The following NSG1 variants were observed in gnomAD, a reference collection of about 807,000 sequenced individuals.
The protein encoded by NSG1 is neuronal vesicle trafficking-associated protein 1.
A neutral mutation model predicts 19.3 loss-of-function variants in NSG1; 9 were observed. That is an observed-to-expected ratio of 0.47 (90% confidence interval 0.28 to 0.81). NSG1 has a LOEUF of 0.81. NSG1 is among the 40% of genes least tolerant of loss of function. The pLI is 0.11. For synonymous variants in NSG1, 104 were observed against 107.0 expected (o/e 0.97, Z 0.17); for missense variants, 236 against 242.4 (o/e 0.97, Z 0.18).
At chr4:4,387,561 C>CGGGGGGGGGTGGGGGGG in intron 1 of NSG1, 43 bp from the exon 2 acceptor site, 2 of 1,141,990 alleles carry the variant, frequency 1.8e-6, no homozygotes, top group Non-Finnish European at 2.5e-6. Context: ...CGCCCCGCCC[C>CGGGGGGGGGTGGGGGGG]GGGTCTTGCT....
At chr4:4,403,334 G>T (rs914187524) in intron 3 of NSG1, among the ~76,000 whole-genome samples, 1 of 152,208 alleles carries the variant, frequency 6.6e-6, no homozygotes, top group Non-Finnish European at 1.5e-5. Flanking sequence ...GGTGTGCCGG[G>T]CCCTGCTCTG....
intron 3 of NSG1, among the ~76,000 whole-genome samples, chr4:4,398,610 T>G (rs1723394033): frequency 6.6e-6 from 1 of 152,264 alleles, no homozygotes; most frequent in African/African-American, 2.4e-5. Context: ...GTTGTAGCAC[T>G]TACAACTGCT....
intron 3 of NSG1, 46 bp from the exon 4 acceptor site, chr4:4,409,527 C>A: frequency 7.1e-7 from 1 of 1,418,226 alleles, no homozygotes; most frequent in Non-Finnish European, 1.0e-6. Context: ...GTGTGTCTGT[C>A]CTGCTGCCTT....
rs979112169 is a variant in NSG1, at chr4:4,391,515, A to G, written c.170A>G (p.Lys57Arg). Residue 57 changes from lysine to arginine, a missense_variant, in exon 3 of 5, where the codon AAG becomes AGG. Transcript: ENST00000621129. ...AAGACCGAGTATGAACCTGACCGCA[A>G]GAAAGGGAAAGCACGTCCTCCCCAA... ...KTKTEYEPDR[K>R]KGKARPPQIA... The G allele has an allele frequency of 6.8e-6, 11 of 1,613,424 alleles. No individual in the cohort carries two copies. The highest frequency in any genetic ancestry group is 9.3e-6 in the Non-Finnish European group (11 of 1,179,872).
chr4:4,412,286 T>C (rs7686055), intron 4 of NSG1, among the ~76,000 whole-genome samples: 53,031 of 151,276 alleles, frequency 0.35, 12,958 homozygotes, highest in African/African-American at 0.7. Flanking sequence ...GGGTGGGAGA[T>C]GACCCAGGAG....
At chr4:4,397,039 CTGTGTG>C (rs61613589) in intron 3 of NSG1, among the ~76,000 whole-genome samples, 2 of 150,034 alleles carry the variant, frequency 1.3e-5, no homozygotes, top group African/African-American at 2.4e-5. Context: ...GTTCAGTCAT[CTGTGTG>C]TGTGTGTGTG....
chr4:4,417,330 C>A lies in NSG1; in HGVS notation c.453C>A (p.Asn151Lys). The change falls in exon 5 of 5, where the codon AAC becomes AAA. Residue 151 changes from asparagine (N) to lysine (K), a missense_variant. Coordinates refer to ENST00000621129, the MANE Select transcript of NSG1 (RefSeq NM_014392.5). ...TTTACACAGTCATAAACCACTACAA[C>A]CTGGCCAAGCAGAGCATCACGCGCT... ...EKFYTVINHY[N>K]LAKQSITRSV... 6.2e-7 allele frequency: 1 copy of A among 1,614,176 alleles called. No homozygotes were observed. The highest frequency in any genetic ancestry group is 1.1e-5 in the South Asian group (1 of 91,090).
At chr4:4,406,969 C>T (rs1723893883) in intron 3 of NSG1, among the ~76,000 whole-genome samples, 1 of 152,256 alleles carries the variant, frequency 6.6e-6, no homozygotes, top group South Asian at 2.1e-4. Flanking sequence ...TTCATCACAG[C>T]TCTGCGCTCT....
At chr4:4,413,003 T>C (rs930266242) in intron 4 of NSG1, among the ~76,000 whole-genome samples, 1 of 152,116 alleles carries the variant, frequency 6.6e-6, no homozygotes, top group African/African-American at 2.4e-5. Flanking sequence ...AGTCCCTTTT[T>C]CTCCTTGCAC....
intron 4 of NSG1, chr4:4,415,723 C>CTTGAAACAA: frequency 1.2e-5 from 2 of 162,852 alleles, no homozygotes; most frequent in Non-Finnish European, 2.6e-5. Flanking sequence ...AGCGGGGCCG[C>CTTGAAACAA]CACTCCACAG....
intron 3 of NSG1, among the ~76,000 whole-genome samples, chr4:4,406,887 C>A (rs1723888842): frequency 6.6e-6 from 1 of 152,250 alleles, no homozygotes. Flanking sequence ...CCTGGCTGGG[C>A]TCCTGCCACT....
At chr4:4,389,043 C>T (rs1314933829) in intron 2 of NSG1, among the ~76,000 whole-genome samples, 1 of 152,238 alleles carries the variant, frequency 6.6e-6, no homozygotes, top group Non-Finnish European at 1.5e-5. Flanking sequence ...GGGCCTGGCC[C>T]CGAGGCCCCC....
intron 2 of NSG1, among the ~76,000 whole-genome samples, chr4:4,389,045 G>A (rs908630123): frequency 1.2e-4 from 18 of 152,202 alleles, no homozygotes; most frequent in Non-Finnish European, 2.2e-4. Flanking sequence ...GCCTGGCCCC[G>A]AGGCCCCCAC....
chr4:4,397,220 TAGG>T (rs960377642), intron 3 of NSG1, among the ~76,000 whole-genome samples: 2 of 149,914 alleles, frequency 1.3e-5, no homozygotes, highest in African/African-American at 4.9e-5. Context: ...CGCCTGAGGG[TAGG>T]AGGATGGGGA....
intron 3 of NSG1, among the ~76,000 whole-genome samples, chr4:4,396,197 C>A (rs1330538153): frequency 6.6e-6 from 1 of 152,252 alleles, no homozygotes; most frequent in Non-Finnish European, 1.5e-5. Flanking sequence ...CACTTCCCCA[C>A]TGATGCCTGC....
At chr4:4,405,091 A>G (rs1464937178) in intron 3 of NSG1, among the ~76,000 whole-genome samples, 2 of 152,208 alleles carry the variant, frequency 1.3e-5, no homozygotes, top group Non-Finnish European at 2.9e-5. Flanking sequence ...GGAGGCCAGA[A>G]GTCTGAAATC....
chr4:4,408,515 C>T (rs1015364317), intron 3 of NSG1, among the ~76,000 whole-genome samples: 5 of 152,208 alleles, frequency 3.3e-5, no homozygotes, highest in Admixed American at 2.6e-4. Context: ...GGCTGGAGTT[C>T]AGTGGCACTA....
In NSG1 at chr4:4,391,519, A is replaced by G; in HGVS notation, c.174A>G (p.Lys58=). The G allele has an allele frequency of 6.2e-7, 1 of 1,613,742 alleles. No homozygotes were observed. Among genetic ancestry groups the G allele is most frequent in the Non-Finnish European group, 8.5e-7 (1 of 1,179,912 alleles). ...CCGAGTATGAACCTGACCGCAAGAA[A>G]GGGAAAGCACGTCCTCCCCAAATTG... ...TKTEYEPDRK[K]GKARPPQIAE... is the part of the protein sequence containing the mutation. Residue 58 remains lysine, a synonymous_variant, in exon 3 of 5, where the codon AAA becomes AAG. Transcript: ENST00000621129.
rs951473542 is a variant in NSG1 at position 4,415,793 on chromosome 4, G to T, written c.358-1442G>T. 4.6e-5 allele frequency: 15 copies of T among 326,038 alleles called. No homozygotes were observed. The South Asian group carries it at 5.1e-4, about 11-fold the overall frequency. The allele number at this position is 326,038 out of a possible 1,614,324, so 20.2% of individuals were successfully genotyped here. Reference sequence around the variant, plus strand: ...GGGTGCCGAGGTGGGAGGGAAGAGGGGAACCCTTGGTCCGTTTCCCTGAGG... The same window carrying T: ...GGGTGCCGAGGTGGGAGGGAAGAGGTGAACCCTTGGTCCGTTTCCCTGAGG... On this transcript the variant is annotated intron_variant, in intron 4 of 4. Coordinates refer to ENST00000621129, the MANE Select transcript of NSG1 (RefSeq NM_014392.5).
Sources: allele counts gnomAD v4.1 joint callset (sites outside exome capture counted in the v4.1 genomes callset), GRCh38; gene constraint gnomAD v4.1.1; transcripts MANE v1.5; gene names NCBI Gene and HGNC (gene_info 2026-07-23, HGNC 2026-07-21).